Variants in KIFC1 observed in about 807,000 individuals in gnomAD.
KIFC1 encodes the protein kinesin-like protein KIFC1.
Under a neutral mutation model 66.6 loss-of-function variants are expected in KIFC1, and 37 were observed. That is an observed-to-expected ratio of 0.56 (90% CI 0.43 to 0.73). KIFC1 has a LOEUF of 0.73. KIFC1 is among the 30% of genes least tolerant of loss of function. The pLI is 0.00. For synonymous variants in KIFC1, 325 were observed against 343.5 expected (o/e 0.95, Z 0.60); for missense variants, 721 against 859.8 (o/e 0.84, Z 2.02).
At position 33,405,737 on chromosome 6, in the gene KIFC1, T is replaced by A; in HGVS notation, c.1536+106T>A. The A allele has an allele frequency of 8.3e-7, 1 of 1,208,744 alleles. No homozygotes were observed. The highest frequency in any genetic ancestry group is 1.1e-6 in the Non-Finnish European group (1 of 907,550). 74.9% of individuals were successfully genotyped at this position (1,208,744 alleles called of 1,614,324 possible). A position where few individuals can be genotyped will look rare whatever the true frequency, so the allele number is the denominator to read the frequency against. Reference sequence around the variant, plus strand: ...AGCAAGAGAGAATTGAAGGATGAAGTGCAAGTTATCAGGCTGGGTTACCAC... The same window carrying A: ...AGCAAGAGAGAATTGAAGGATGAAGAGCAAGTTATCAGGCTGGGTTACCAC... On this transcript the variant is annotated intron_variant, in intron 7 of 10. Transcript: ENST00000428849. The surrounding 1 kb of genome is among the most constrained non-coding windows in gnomAD (Gnocchi z 5.4).
At chr6:33,395,211 G>T (rs1774974168) in intron 1 of KIFC1, among the ~76,000 whole-genome samples, 1 of 152,202 alleles carries the variant, frequency 6.6e-6, no homozygotes, top group Non-Finnish European at 1.5e-5. Context: ...TTAGAGTTTT[G>T]CTGCGAAAGG....
Position 33,405,292 on chromosome 6 carries a change from G to A in KIFC1, c.1197G>A (p.Leu399=), listed in dbSNP as rs1775586979. The change falls in exon 7 of 11, where the codon CTG becomes CTA. Residue 399 remains leucine (L), a synonymous_variant. Coordinates refer to ENST00000428849, the MANE Select transcript of KIFC1 (RefSeq NM_002263.4). The surrounding 1 kb of genome is among the most constrained non-coding windows in gnomAD (Gnocchi z 5.4). The part of the protein sequence containing the change: ...EEIAMLVQSA[L]DGYPVCIFAY... ...TTGCCATGCTTGTCCAGTCAGCCCT[G>A]GATGGCTATCCAGTATGCATCTTTG... 2 of 1,614,176 alleles carry A rather than the reference G, an allele frequency of 1.2e-6. No homozygotes were observed. The highest frequency in any genetic ancestry group is 4.5e-5 in the East Asian group (2 of 44,886).
rs758633282 is a variant in KIFC1 at position 33,404,857 on chromosome 6, G to A, written c.762G>A (p.Arg254=). The A allele has an allele frequency of 3.1e-6, 5 of 1,606,368 alleles. No individual in the cohort carries two copies. The Admixed American group carries it at 6.7e-5, about 22-fold the overall frequency. The stretch of plus-strand genomic sequence containing the variant: ...TTGTGTTCTCTTCTGGGCAGAGGAG[G>A]CTGCAGACATCAGAAGCAGCCCTGT... ...LMSQLEEKER[R]LQTSEAALSS... is the part of the protein sequence containing the mutation. Residue 254 remains arginine, a synonymous_variant, in exon 7 of 11, where the codon AGG becomes AGA. Transcript: ENST00000428849. This position sits in a 1 kb window ranked among gnomAD's most constrained non-coding sequence, Gnocchi z 4.0.
In KIFC1 at chr6:33,401,928, A is replaced by G. The variant is rs1775394375; in HGVS notation, c.251-1386A>G. Among the ~76,000 whole-genome samples, 1 of 152,068 alleles carries G rather than the reference A, an allele frequency of 6.6e-6. No individual in the cohort carries two copies. Among genetic ancestry groups the G allele is most frequent in the African/African-American group, 2.4e-5 (1 of 41,398 alleles). On this transcript the variant is annotated intron_variant, in intron 3 of 10. Transcript: ENST00000428849. The surrounding 1 kb of genome is among the most constrained non-coding windows in gnomAD (Gnocchi z 4.5). ...CACCGTGTTAGCCAGGATGGTCTCA[A>G]TCTCCTGACCCCTTGATCTGCCCAC...
rs1271634529 is a variant in KIFC1, at chr6:33,405,544, C to T, written c.1449C>T (p.Gly483=). The T allele has an allele frequency of 2.5e-6, 4 of 1,605,082 alleles. No individual in the cohort carries two copies. The highest frequency in any genetic ancestry group is 3.4e-6 in the Non-Finnish European group (4 of 1,176,124). The change falls in exon 7 of 11, where the codon GGC becomes GGT. Residue 483 remains glycine (G), a synonymous_variant. Coordinates refer to ENST00000428849, the MANE Select transcript of KIFC1 (RefSeq NM_002263.4). The surrounding 1 kb of genome is among the most constrained non-coding windows in gnomAD (Gnocchi z 5.4). ...LATGTRKGQG[G]ECEIRRAGPG... ...CTGGAACCCGGAAGGGTCAAGGGGG[C>T]GAGTGTGAGATTCGCCGTGCAGGGC...
intron 10 of KIFC1, 153 bp downstream of exon 10, chr6:33,407,028 T>G: frequency 7.0e-7 from 1 of 1,429,408 alleles, no homozygotes. Flanking sequence ...CATTTTTAAT[T>G]ATTAGCTTTT....
chr6:33,406,128 C>A lies in KIFC1; in HGVS notation c.1537-68C>A. On this transcript the variant is annotated intron_variant, in intron 7 of 10. Coordinates refer to ENST00000428849, the MANE Select transcript of KIFC1 (RefSeq NM_002263.4). The surrounding 1 kb of genome is among the most constrained non-coding windows in gnomAD (Gnocchi z 4.5). The stretch of plus-strand genomic sequence containing the variant: ...AAGAGGGTGGGGGTGGGCTCTTATT[C>A]ATTTCCATACATATTACTATGTACT... 2 of 1,432,776 alleles carry A rather than the reference C, an allele frequency of 1.4e-6. No homozygotes were observed. Among genetic ancestry groups the A allele is most frequent in the Non-Finnish European group, 9.5e-7 (1 of 1,056,512 alleles). 88.8% of individuals were successfully genotyped at this position (1,432,776 alleles called of 1,614,324 possible).
intron 10 of KIFC1, among the ~76,000 whole-genome samples, chr6:33,408,778 C>T (rs1355531119): frequency 6.6e-6 from 1 of 152,170 alleles, no homozygotes; most frequent in Non-Finnish European, 1.5e-5. Context: ...AATCATAGCT[C>T]ATTGTAGCCA....
At chr6:33,396,746 A>G (rs1176657238) in intron 1 of KIFC1, among the ~76,000 whole-genome samples, 3 of 151,246 alleles carry the variant, frequency 2.0e-5, no homozygotes, top group African/African-American at 7.3e-5. Flanking sequence ...CAGTGGCACA[A>G]TCTTGGCTCA....
intron 1 of KIFC1, among the ~76,000 whole-genome samples, chr6:33,393,434 C>CTT (rs71536188): frequency 0.062 from 5,147 of 82,410 alleles, 308 homozygotes; most frequent in East Asian, 0.09. Context: ...GCACCATTGC[C>CTT]TTTTTTTTTT....
At chr6:33,399,954 T>A in intron 3 of KIFC1, 2 of 574,122 alleles carry the variant, frequency 3.5e-6, no homozygotes, top group Non-Finnish European at 3.1e-6. Flanking sequence ...ACTTAACATT[T>A]TTTTTCCCAC....
At chr6:33,396,683 TC>T (rs1261520957) in intron 1 of KIFC1, among the ~76,000 whole-genome samples, 1 of 151,458 alleles carries the variant, frequency 6.6e-6, no homozygotes, top group Non-Finnish European at 1.5e-5. Context: ...AGAATTAATT[TC>T]TTTTTTTTTT....
At position 33,398,302 on chromosome 6, in the gene KIFC1, C is replaced by T; in HGVS notation, c.165C>T (p.Gly55=). ...GLEPEKKRTR[G]LGATTKITTS... is the part of the protein sequence containing the mutation. ...TCTTTCCCCAGAAACGGACAAGAGG[C>T]CTGGGTGCAACGACCAAAATTACCA... is the stretch of plus-strand genomic sequence containing the variant. Residue 55 remains glycine, a synonymous_variant, in exon 3 of 11, where the codon GGC becomes GGT. Coordinates refer to ENST00000428849, the MANE Select transcript of KIFC1 (RefSeq NM_002263.4). 6.2e-7 allele frequency: 1 copy of T among 1,614,046 alleles called. No homozygotes were observed. The highest frequency in any genetic ancestry group is 8.5e-7 in the Non-Finnish European group (1 of 1,180,016).
chr6:33,404,190 C>T lies in KIFC1; in HGVS notation c.756+61C>T. The T allele has an allele frequency of 6.6e-7, 1 of 1,518,146 alleles. No homozygotes were observed. Among genetic ancestry groups the T allele is most frequent in the East Asian group, 2.3e-5 (1 of 44,230 alleles). The allele number at this position is 1,518,146 out of a possible 1,614,324, so 94.0% of individuals were successfully genotyped here. ...TTTCCTGGCAGAGGTCATGCCTCCC[C>T]TCCCTTCCAGGTACCCCTCAAGTCT... On this transcript the variant is annotated intron_variant, in intron 6 of 10. Coordinates refer to ENST00000428849, the MANE Select transcript of KIFC1 (RefSeq NM_002263.4). This position sits in a 1 kb window ranked among gnomAD's most constrained non-coding sequence, Gnocchi z 4.0.
chr6:33,391,609 G>A (rs748137217), upstream of KIFC1: 3 of 395,000 alleles, frequency 7.6e-6, no homozygotes, highest in Non-Finnish European at 1.4e-5. Flanking sequence ...CACTATTGCC[G>A]CTAGAGGAGG....
chr6:33,407,279 C>G (rs1775712478), intron 10 of KIFC1, among the ~76,000 whole-genome samples: 1 of 152,116 alleles, frequency 6.6e-6, no homozygotes, highest in African/African-American at 2.4e-5. Flanking sequence ...TGTAATGGCT[C>G]ACACCTGTAG....
chr6:33,408,878 A>G (rs909835140), intron 10 of KIFC1, among the ~76,000 whole-genome samples: 1 of 152,080 alleles, frequency 6.6e-6, no homozygotes, highest in African/African-American at 2.4e-5. Flanking sequence ...TCTTTAGCCA[A>G]TAGGAACCTC....
intron 10 of KIFC1, among the ~76,000 whole-genome samples, chr6:33,407,785 T>A (rs1448163778): frequency 6.6e-6 from 1 of 152,196 alleles, no homozygotes; most frequent in Non-Finnish European, 1.5e-5. Context: ...CACTAGAATC[T>A]CCTTCCACTA....
rs1423900119 is a variant in KIFC1, at chr6:33,398,181, G to A, written c.150+15G>A. On this transcript the variant is annotated intron_variant, in intron 2 of 10. Transcript: ENST00000428849. ...AGCCTGAGAAGGTGAGCTGGGCATG[G>A]AGAGCTGTGCATGTGTGTGGGGGGT... 1 of 1,614,174 alleles carries A rather than the reference G, an allele frequency of 6.2e-7. No individual in the cohort carries two copies. The highest frequency in any genetic ancestry group is 1.1e-5 in the South Asian group (1 of 91,078).
Sources: gnomAD v4.1 joint callset for allele counts (sites outside exome capture counted in the v4.1 genomes callset) on GRCh38, gnomAD v4.1.1 for gene constraint, Gnocchi (gnomAD v3.1) non-coding constraint, MANE v1.5 for transcripts, NCBI Gene and HGNC (gene_info 2026-07-23, HGNC 2026-07-21) for gene names.